NTRK3: variants seen among roughly 807,000 people sequenced by gnomAD.
The protein encoded by NTRK3 is NT-3 growth factor receptor.
A neutral mutation model predicts 91.7 loss-of-function variants in NTRK3; 24 were observed. The ratio of observed to expected loss-of-function variants is 0.26; its 90% CI spans 0.19 to 0.37. The LOEUF is 0.37. Ranked by LOEUF, NTRK3 falls within the 10% of genes least tolerant of loss-of-function variation. The probability of loss-of-function intolerance (pLI) is 1.00; values close to 1 mark genes in which losing one functional copy is unlikely to be tolerated. For missense variants in NTRK3, 880 were observed against 1,068.9 expected (o/e 0.82, Z 2.46); for synonymous variants, 483 against 404.0 (o/e 1.20, Z -2.34).
chr15:88,183,611 A>C (rs1202372698), intron 4 of NTRK3, 122 bp from the exon 5 acceptor site: 3 of 907,432 alleles, frequency 3.3e-6, no homozygotes, highest in Non-Finnish European at 5.5e-6. Context: ...GATTATCTAC[A>C]CCTCTTCATT....
At chr15:87,942,190 G>T (rs928559029) in intron 14 of NTRK3, among the ~76,000 whole-genome samples, 2 of 152,188 alleles carry the variant, frequency 1.3e-5, no homozygotes, top group South Asian at 4.1e-4. Flanking sequence ...AAGGATTTGC[G>T]AGAGGAAGCA....
At chr15:88,063,173 G>A (rs1159428398) in intron 13 of NTRK3, among the ~76,000 whole-genome samples, 1 of 152,244 alleles carries the variant, frequency 6.6e-6, no homozygotes, top group South Asian at 2.1e-4. Context: ...GAAGTGTTAA[G>A]AGTGCTTGGT....
intron 6 of NTRK3, among the ~76,000 whole-genome samples, chr15:88,140,724 A>C (rs908051899): frequency 6.6e-6 from 1 of 152,240 alleles, no homozygotes; most frequent in East Asian, 1.9e-4. Context: ...AGAGTGAAAA[A>C]GGCAAATAAT....
rs550228047 is a variant in NTRK3, at chr15:88,220,909, C to A, written c.248+34997G>T. 3.9e-5 allele frequency among the ~76,000 whole-genome samples: 6 copies of A among 152,302 alleles called. 1 individual carries two copies. The South Asian group carries it at 1.2e-3, about 32-fold the overall frequency. ...GATCTAAACCCTGGATGCCTCTGAA[C>A]CTCCAGGGGATACGTCTCAAAAATG... On this transcript the variant is annotated intron_variant, in intron 3 of 18. Coordinates refer to ENST00000394480, the Ensembl canonical transcript of NTRK3.
At chr15:88,033,653 C>T (rs192696525) in intron 13 of NTRK3, among the ~76,000 whole-genome samples, 69 of 152,084 alleles carry the variant, frequency 4.5e-4, no homozygotes, top group Admixed American at 7.9e-4. Flanking sequence ...GCGTATTCCT[C>T]GAATGCTCTG....
At chr15:88,171,407 C>A (rs879366125) in intron 5 of NTRK3, among the ~76,000 whole-genome samples, 1 of 152,130 alleles carries the variant, frequency 6.6e-6, no homozygotes, top group Non-Finnish European at 1.5e-5. Flanking sequence ...CAGCCAGATC[C>A]CCACCCCGGC....
chr15:88,129,130 C>T (rs2053575024), intron 10 of NTRK3, among the ~76,000 whole-genome samples: 1 of 152,118 alleles, frequency 6.6e-6, no homozygotes, highest in Non-Finnish European at 1.5e-5. Context: ...TTTGAAAATG[C>T]CAGGTATGAT....
intron 13 of NTRK3, among the ~76,000 whole-genome samples, chr15:88,065,220 C>A (rs936987698): frequency 1.3e-5 from 2 of 152,150 alleles, no homozygotes; most frequent in Non-Finnish European, 2.9e-5. Context: ...CTGGCCCTAT[C>A]CTCTGTCCAC....
intron 13 of NTRK3, among the ~76,000 whole-genome samples, chr15:88,043,959 A>G (rs2079897511): frequency 6.6e-6 from 1 of 152,190 alleles, no homozygotes; most frequent in African/African-American, 2.4e-5. Flanking sequence ...AGTATTTCTA[A>G]GTACACATGG....
chr15:88,049,407 C>A (rs2080580482), intron 13 of NTRK3, among the ~76,000 whole-genome samples: 1 of 151,894 alleles, frequency 6.6e-6, no homozygotes, highest in Non-Finnish European at 1.5e-5. Flanking sequence ...TATTAAAAAC[C>A]CCACAGTGTT....
chr15:87,940,864 C>A, intron 14 of NTRK3, 111 bp from the exon 15 acceptor site: 1 of 1,438,754 alleles, frequency 7.0e-7, no homozygotes, highest in Non-Finnish European at 9.7e-7. Flanking sequence ...GAGCCTACAG[C>A]AGGCAAAGGC....
chr15:88,229,031 C>T (rs2050938593), intron 3 of NTRK3, among the ~76,000 whole-genome samples: 1 of 152,184 alleles, frequency 6.6e-6, no homozygotes, highest in South Asian at 2.1e-4. Flanking sequence ...TTGGCTGCAG[C>T]CACCATGCAA....
chr15:88,032,763 G>T (rs1281101703), intron 14 of NTRK3, 94 bp downstream of exon 14: 28 of 1,387,476 alleles, frequency 2.0e-5, no homozygotes, highest in Non-Finnish European at 7.1e-6. Context: ...CAGGTAGCAG[G>T]TCACCCTAGA....
chr15:88,117,123 G>C (rs2052184549), intron 13 of NTRK3, among the ~76,000 whole-genome samples: 1 of 152,222 alleles, frequency 6.6e-6, no homozygotes, highest in East Asian at 1.9e-4. Flanking sequence ...CTAGGTTTGG[G>C]AAGTTATATA....
At chr15:87,999,911 T>C (rs896842078) in intron 14 of NTRK3, among the ~76,000 whole-genome samples, 1 of 152,230 alleles carries the variant, frequency 6.6e-6, no homozygotes, top group East Asian at 1.9e-4. Flanking sequence ...AAAATATTAA[T>C]TGAAATGCTG....
At chr15:88,058,887 T>C (rs150134556) in intron 13 of NTRK3, among the ~76,000 whole-genome samples, 2 of 152,338 alleles carry the variant, frequency 1.3e-5, no homozygotes, top group African/African-American at 4.8e-5. Flanking sequence ...GTCAGCCAAG[T>C]GTCCACCTTC....
At chr15:88,032,168 G>A (rs965844043) in intron 14 of NTRK3, among the ~76,000 whole-genome samples, 20 of 152,080 alleles carry the variant, frequency 1.3e-4, no homozygotes, top group African/African-American at 4.6e-4. Context: ...GAGGAACCCT[G>A]CTGGATGGAC....
chr15:88,113,371 A>G (rs1206035986), intron 13 of NTRK3, among the ~76,000 whole-genome samples: 2 of 131,810 alleles, frequency 1.5e-5, no homozygotes, highest in African/African-American at 6.0e-5. Flanking sequence ...GCTGGAGTGC[A>G]GTGGCGTGAT....
At chr15:88,009,882 A>G (rs202162718) in intron 14 of NTRK3, among the ~76,000 whole-genome samples, 1 of 152,172 alleles carries the variant, frequency 6.6e-6, no homozygotes, top group East Asian at 1.9e-4. Context: ...AAAAAAGCAC[A>G]CTACAGACTG....
Sources: allele counts gnomAD v4.1 joint callset (sites outside exome capture counted in the v4.1 genomes callset), GRCh38; gene constraint gnomAD v4.1.1; transcripts MANE v1.5; gene names NCBI Gene and HGNC (gene_info 2026-07-23, HGNC 2026-07-21).